FBXO16: variants seen among roughly 807,000 people sequenced by gnomAD.
FBXO16 encodes the protein F-box protein 16.
Under a neutral mutation model 41.0 loss-of-function variants are expected in FBXO16, and 31 were observed. That is an observed-to-expected ratio of 0.76 (90% CI 0.57 to 1.02). The LOEUF is 1.02. FBXO16 is among the 50% of genes least tolerant of loss of function. The pLI is 0.00. For missense variants in FBXO16, 361 were observed against 346.2 expected, an observed-to-expected ratio of 1.04 and a Z score of -0.34; for synonymous variants, 133 against 117.8, an observed-to-expected ratio of 1.13 and a Z score of -0.84.
rs547312868 is a variant in FBXO16 at position 28,468,771 on chromosome 8, C to T, written c.136-4953G>A. Among the ~76,000 whole-genome samples, 5 of 151,802 alleles carry T rather than the reference C, an allele frequency of 3.3e-5. No individual in the cohort carries two copies. In the South Asian group the frequency reaches 1.0e-3, roughly 32 times the overall value. On this transcript the variant is annotated intron_variant, in intron 3 of 8. Coordinates refer to ENST00000380254, the MANE Select transcript of FBXO16 (RefSeq NM_172366.4). ...GCTGAGGTGGGAGGATCACTTGAGCCCAGGAGGTAGAGGTTGCAGTGAGCT... is the reference window on the plus strand; with the variant it reads ...GCTGAGGTGGGAGGATCACTTGAGCTCAGGAGGTAGAGGTTGCAGTGAGCT...
intron 7 of FBXO16, among the ~76,000 whole-genome samples, chr8:28,445,861 C>T (rs990405810): frequency 6.6e-6 from 1 of 151,822 alleles, no homozygotes; most frequent in African/African-American, 2.4e-5. Flanking sequence ...GTACTTATTC[C>T]TCTCCCAGCT....
In FBXO16 at chr8:28,438,247, CAGAGG is replaced by C. The variant is rs1802713907; in HGVS notation, c.844-8849_844-8845del. Among the ~76,000 whole-genome samples, 5 of 152,136 alleles carry C rather than the reference CAGAGG, an allele frequency of 3.3e-5. No individual in the cohort carries two copies. The South Asian group carries it at 1.0e-3, about 32-fold the overall frequency. On this transcript the variant is annotated intron_variant, in intron 7 of 8. Coordinates refer to ENST00000380254, the MANE Select transcript of FBXO16 (RefSeq NM_172366.4). ...ATGAGAATTACTTGAACCTGAGAGG[CAGAGG>C]CTGCAGTGACCCAAGATTGCATCAC...
chr8:28,453,784 A>G (rs1802993263), intron 5 of FBXO16, among the ~76,000 whole-genome samples: 2 of 152,072 alleles, frequency 1.3e-5, no homozygotes, highest in South Asian at 4.1e-4. Context: ...TTATTTGTCT[A>G]CGTCCTGGGC....
intron 3 of FBXO16, among the ~76,000 whole-genome samples, chr8:28,469,170 G>T (rs1803291744): frequency 6.6e-6 from 1 of 152,092 alleles, no homozygotes; most frequent in East Asian, 1.9e-4. Context: ...AAAATTAGCT[G>T]GGCATGGTGG....
chr8:28,459,623 AAATAATAATAATAATAATAAT>A, intron 4 of FBXO16, among the ~76,000 whole-genome samples: 1 of 137,884 alleles, frequency 7.3e-6, no homozygotes, highest in South Asian at 2.3e-4. Flanking sequence ...CCTGTCTCAA[AAATAATAATAATAATAATAAT>A]AATAATAATA....
At chr8:28,476,620 C>T (rs1022932610) in intron 2 of FBXO16, among the ~76,000 whole-genome samples, 1 of 152,184 alleles carries the variant, frequency 6.6e-6, no homozygotes, top group Admixed American at 6.5e-5. Context: ...TCACAGTTTA[C>T]TCAAAGCCTG....
chr8:28,441,598 T>C (rs1485537225), intron 7 of FBXO16, among the ~76,000 whole-genome samples: 3 of 151,704 alleles, frequency 2.0e-5, no homozygotes, highest in Admixed American at 1.3e-4. Context: ...TAGCCAAGCG[T>C]GGTGGCAGGT....
At chr8:28,428,853 G>T in intron 8 of FBXO16, 117 bp from the exon 9 acceptor site, 2 of 1,154,184 alleles carry the variant, frequency 1.7e-6, no homozygotes, top group African/African-American at 1.6e-5. Flanking sequence ...GGCTGGATGG[G>T]ATTTATTGAG....
rs1465323931 is a variant in FBXO16, at chr8:28,439,593, C to A, written c.843+7578G>T. On this transcript the variant is annotated intron_variant, in intron 7 of 8. Coordinates refer to ENST00000380254, the MANE Select transcript of FBXO16 (RefSeq NM_172366.4). ...TCTCTACAAAAAATACCCCCAAAAA[C>A]CACAATTAGCCAGACTTGGTGGTGC... Among the ~76,000 whole-genome samples the A allele has an allele frequency of 2.6e-5, 4 of 151,950 alleles. No homozygotes were observed. In the East Asian group the frequency reaches 5.8e-4, roughly 22 times the overall value.
At chr8:28,463,881 T>C in intron 3 of FBXO16, 63 bp from the exon 4 acceptor site, 1 of 1,461,330 alleles carries the variant, frequency 6.8e-7, no homozygotes, top group Non-Finnish European at 9.5e-7. Context: ...GCAGATTCAT[T>C]ACGAGTAAGA....
chr8:28,454,371 T>C (rs1803003029), intron 5 of FBXO16, among the ~76,000 whole-genome samples: 1 of 151,714 alleles, frequency 6.6e-6, no homozygotes, highest in Admixed American at 6.6e-5. Context: ...AAATAACATA[T>C]GATAATAAAA....
chr8:28,447,040 C>T, intron 7 of FBXO16, 131 bp downstream of exon 7: 1 of 763,522 alleles, frequency 1.3e-6, no homozygotes, highest in Non-Finnish European at 2.1e-6. Context: ...CAGTCAGTGT[C>T]AGAAACCCGA....
chr8:28,438,691 T>C (rs1375863367), intron 7 of FBXO16, among the ~76,000 whole-genome samples: 2 of 152,156 alleles, frequency 1.3e-5, no homozygotes, highest in African/African-American at 2.4e-5. Flanking sequence ...ATGTTACACA[T>C]GAGGAAAAAG....
At chr8:28,451,764 C>A (rs531777665) in intron 6 of FBXO16, among the ~76,000 whole-genome samples, 218 of 152,068 alleles carry the variant, frequency 1.4e-3, no homozygotes, top group African/African-American at 4.9e-3. Flanking sequence ...ATGTGGATCA[C>A]CTGAGGTCAG....
In FBXO16 at chr8:28,463,160, GTA is replaced by G. The variant is rs566378809; in HGVS notation, c.342+450_342+451del. ...TGTGTGTGTGTGTATGTTTGTGTGT[GTA>G]TGTGTGTTTGTGTGTGTATATGTGT... On this transcript the variant is annotated intron_variant, in intron 4 of 8. Coordinates refer to ENST00000380254, the MANE Select transcript of FBXO16 (RefSeq NM_172366.4). 1.3e-3 allele frequency among the ~76,000 whole-genome samples: 199 copies of G among 152,018 alleles called. 1 individual carries two copies. The highest frequency in any genetic ancestry group is 4.5e-3 in the African/African-American group (188 of 41,476).
intron 7 of FBXO16, among the ~76,000 whole-genome samples, chr8:28,444,866 C>T (rs971085147): frequency 6.9e-5 from 10 of 143,912 alleles, no homozygotes; most frequent in Non-Finnish European, 1.4e-4. Context: ...CCCCTAACCT[C>T]GTGATCCACC....
intron 3 of FBXO16, 142 bp from the exon 4 acceptor site, chr8:28,463,960 C>A: frequency 1.3e-6 from 1 of 781,150 alleles, no homozygotes; most frequent in Non-Finnish European, 2.0e-6. Context: ...TCAGCAAATT[C>A]CATGCTTTGC....
chr8:28,450,863 G>A (rs981861272), intron 6 of FBXO16, among the ~76,000 whole-genome samples: 1 of 152,138 alleles, frequency 6.6e-6, no homozygotes, highest in Non-Finnish European at 1.5e-5. Context: ...GATCACTTGA[G>A]TCTGATCGCT....
intron 2 of FBXO16, among the ~76,000 whole-genome samples, chr8:28,474,202 T>C (rs750475019): frequency 8.0e-5 from 12 of 150,712 alleles, no homozygotes; most frequent in Non-Finnish European, 1.5e-4. Context: ...TGTGTCCCTG[T>C]AGTCCCAGCT....
Sources: allele counts gnomAD v4.1 joint callset (sites outside exome capture counted in the v4.1 genomes callset), GRCh38; gene constraint gnomAD v4.1.1; transcripts MANE v1.5; gene names NCBI Gene and HGNC (gene_info 2026-07-23, HGNC 2026-07-21).